Variants in RAD51B observed in about 807,000 individuals in gnomAD.
RAD51B encodes DNA repair protein RAD51 homolog 2.
Under a neutral mutation model 42.2 loss-of-function variants are expected in RAD51B, and 38 were observed. That is an observed-to-expected ratio of 0.90 (90% CI 0.70 to 1.18). The LOEUF (loss-of-function observed/expected upper bound fraction) is 1.18. Ranked by LOEUF, RAD51B falls within the 50% of genes most tolerant of loss-of-function variation. RAD51B has a pLI of 0.00. For missense variants in RAD51B, 373 were observed against 400.7 expected (o/e 0.93, Z 0.59); for synonymous variants, 154 against 145.2 (o/e 1.06, Z -0.43).
At chr14:68,017,949 G>A (rs933599716) in intron 7 of RAD51B, among the ~76,000 whole-genome samples, 2 of 151,364 alleles carry the variant, frequency 1.3e-5, no homozygotes, top group African/African-American at 4.9e-5. Context: ...CCAGCCTAGT[G>A]ACAGAGCAAG....
At chr14:68,557,003 T>C (rs549441322) in intron 10 of RAD51B, among the ~76,000 whole-genome samples, 72 of 152,294 alleles carry the variant, frequency 4.7e-4, no homozygotes, top group Non-Finnish European at 8.5e-4. Flanking sequence ...TCCCCAGCCC[T>C]ACCTAGCCTT....
At chr14:68,361,739 G>A (rs1307912872) in intron 8 of RAD51B, among the ~76,000 whole-genome samples, 1 of 152,016 alleles carries the variant, frequency 6.6e-6, no homozygotes, top group African/African-American at 2.4e-5. Flanking sequence ...ATGGCGGCAC[G>A]ATCTCAGCTC....
rs765622409 is a variant in RAD51B at position 67,825,423 on chromosome 14, TAC to T, written c.85-37_85-36del. 1.6e-5 allele frequency: 22 copies of T among 1,404,082 alleles called. No homozygotes were observed. In the African/African-American group the frequency reaches 3.2e-4, roughly 20 times the overall value. 87.0% of individuals were successfully genotyped at this position (1,404,082 alleles called of 1,614,324 possible). On this transcript the variant is annotated intron_variant, in intron 2 of 10. Transcript: ENST00000471583. ...TTCCTTTTAACTCTAGTATCTTTGT[TAC>T]ACATATATGTTTAAAATACTCTCTT...
chr14:68,224,856 G>A (rs2080003982), intron 7 of RAD51B, among the ~76,000 whole-genome samples: 1 of 151,972 alleles, frequency 6.6e-6, no homozygotes, highest in African/African-American at 2.4e-5. Context: ...GCCACGCCCA[G>A]CTAATTTCAT....
At chr14:68,147,144 G>A (rs1297036194) in intron 7 of RAD51B, among the ~76,000 whole-genome samples, 1 of 152,144 alleles carries the variant, frequency 6.6e-6, no homozygotes. Flanking sequence ...TTTGAGGGGA[G>A]AGTGCCAAAG....
chr14:68,538,621 G>A (rs930879237), intron 10 of RAD51B, among the ~76,000 whole-genome samples: 2 of 150,992 alleles, frequency 1.3e-5, no homozygotes, highest in Admixed American at 6.6e-5. Flanking sequence ...TGTTTGGCTA[G>A]CACACCGCTT....
At chr14:67,893,649 C>T (rs1306665658) in intron 7 of RAD51B, among the ~76,000 whole-genome samples, 1 of 151,466 alleles carries the variant, frequency 6.6e-6, no homozygotes. Context: ...CCAGCCTGGG[C>T]GACAGAGCAA....
chr14:68,025,757 C>CT (rs1362677449), intron 7 of RAD51B, among the ~76,000 whole-genome samples: 1 of 151,788 alleles, frequency 6.6e-6, no homozygotes, highest in Admixed American at 6.6e-5. Context: ...TGATCTCTCT[C>CT]TTTTTTGTTA....
intron 5 of RAD51B, among the ~76,000 whole-genome samples, chr14:67,876,874 G>A (rs2076080986): frequency 6.6e-6 from 1 of 152,166 alleles, no homozygotes. Flanking sequence ...GATTCATCCA[G>A]GGAGGGAGGA....
intron 7 of RAD51B, among the ~76,000 whole-genome samples, chr14:68,235,703 CAAAAAAAAAA>C (rs57180468): frequency 2.1e-4 from 3 of 14,042 alleles, no homozygotes; most frequent in African/African-American, 3.2e-4. Context: ...GACTCCGTCT[CAAAAAAAAAA>C]AAAAAAAAAA....
intron 4 of RAD51B, among the ~76,000 whole-genome samples, chr14:67,858,302 G>A (rs964494224): frequency 6.6e-6 from 1 of 152,198 alleles, no homozygotes; most frequent in African/African-American, 2.4e-5. Flanking sequence ...GATGGTGAAG[G>A]CAGATAATTT....
At chr14:68,271,459 T>G (rs2081102399) in intron 7 of RAD51B, among the ~76,000 whole-genome samples, 1 of 152,152 alleles carries the variant, frequency 6.6e-6, no homozygotes. Flanking sequence ...CTCATTTTTC[T>G]CATCTATAAA....
chr14:68,157,012 C>A (rs1025366147), intron 7 of RAD51B, among the ~76,000 whole-genome samples: 1 of 152,084 alleles, frequency 6.6e-6, no homozygotes, highest in African/African-American at 2.4e-5. Flanking sequence ...GCCTGGGCAA[C>A]ATGGTGAAAC....
intron 7 of RAD51B, among the ~76,000 whole-genome samples, chr14:68,085,284 G>C (rs1240208067): frequency 6.6e-6 from 1 of 152,142 alleles, no homozygotes. Context: ...AGAGATTTAG[G>C]CTGGATGTAT....
chr14:68,585,182 A>AT (rs756121750), intron 10 of RAD51B, among the ~76,000 whole-genome samples: 6 of 152,152 alleles, frequency 3.9e-5, no homozygotes, highest in Non-Finnish European at 8.8e-5. Flanking sequence ...AGTTATTTGC[A>AT]TTTTAATAAC....
intron 8 of RAD51B, among the ~76,000 whole-genome samples, chr14:68,317,308 T>TCTC (rs56232697): frequency 1.3e-5 from 2 of 151,880 alleles, no homozygotes; most frequent in East Asian, 1.9e-4. Flanking sequence ...ACTTTGAACA[T>TCTC]ATTTATTTAC....
chr14:68,625,401 C>G (rs1892055014), intron 10 of RAD51B, among the ~76,000 whole-genome samples: 1 of 152,234 alleles, frequency 6.6e-6, no homozygotes, highest in African/African-American at 2.4e-5. Flanking sequence ...GCCTCCCAAG[C>G]TGCCCTCATC....
chr14:67,878,208 A>G (rs572476955), intron 5 of RAD51B, among the ~76,000 whole-genome samples: 10 of 152,308 alleles, frequency 6.6e-5, no homozygotes, highest in African/African-American at 1.7e-4. Flanking sequence ...ATCTCAACCA[A>G]TAGTACTTTG....
At chr14:68,551,805 A>G (rs1169393973) in intron 10 of RAD51B, among the ~76,000 whole-genome samples, 1 of 152,246 alleles carries the variant, frequency 6.6e-6, no homozygotes, top group African/African-American at 2.4e-5. Context: ...CATCTTCAGC[A>G]CAAACCAAAG....
Sources: allele counts gnomAD v4.1 joint callset (sites outside exome capture counted in the v4.1 genomes callset), GRCh38; gene constraint gnomAD v4.1.1; transcripts MANE v1.5; gene names NCBI Gene and HGNC (gene_info 2026-07-23, HGNC 2026-07-21).